The following MYO1E variants were observed in gnomAD, a reference collection of about 807,000 sequenced individuals.
MYO1E encodes myosin IE, also known as unconventional myosin-Ie.
Under a neutral mutation model 151.1 loss-of-function variants are expected in MYO1E, and 68 were observed. That is an observed-to-expected ratio of 0.45 (90% confidence interval 0.37 to 0.55). The LOEUF is 0.55. Among genes scored for constraint, MYO1E ranks in the 20% least tolerant of loss-of-function variants. The probability of loss-of-function intolerance (pLI) is 0.00; values close to 1 mark genes in which losing one functional copy is unlikely to be tolerated. For missense variants in MYO1E, 1,363 were observed against 1,389.3 expected, an observed-to-expected ratio of 0.98 and a Z score of 0.30; for synonymous variants, 601 against 501.7, an observed-to-expected ratio of 1.20 and a Z score of -2.64.
rs927339434 is a variant in MYO1E, at chr15:59,372,815, C to T, written c.-315G>A. 6.2e-6 allele frequency: 3 copies of T among 486,170 alleles called. No homozygotes were observed. The highest frequency in any genetic ancestry group is 4.1e-5 in the African/African-American group (2 of 49,280). The allele number at this position is 486,170 out of a possible 1,614,324, so 30.1% of individuals were successfully genotyped here. A position where few individuals can be genotyped will look rare whatever the true frequency, so the allele number is the denominator to read the frequency against. On this transcript the variant is annotated 5_prime_UTR_variant, in exon 1 of 28. Transcript: ENST00000288235. ...TGCGCTCGGAGCGTCCGCCTCGCTCCCCTGCCTCACTCCTCTTTCTTCGGC... is the reference window on the plus strand; with the variant it reads ...TGCGCTCGGAGCGTCCGCCTCGCTCTCCTGCCTCACTCCTCTTTCTTCGGC...
At chr15:59,330,860 C>T (rs932179542) in intron 1 of MYO1E, among the ~76,000 whole-genome samples, 4 of 152,130 alleles carry the variant, frequency 2.6e-5, no homozygotes, top group Non-Finnish European at 4.4e-5. Context: ...CTTTGACCTC[C>T]CAACCTCAGA....
chr15:59,365,678 T>C (rs1567026045), intron 1 of MYO1E, among the ~76,000 whole-genome samples: 1 of 152,236 alleles, frequency 6.6e-6, no homozygotes, highest in Non-Finnish European at 1.5e-5. Context: ...CTTTCTATAA[T>C]GTAACGTATG....
intron 1 of MYO1E, among the ~76,000 whole-genome samples, chr15:59,291,179 C>T (rs1002819581): frequency 2.0e-5 from 3 of 152,198 alleles, no homozygotes; most frequent in African/African-American, 7.2e-5. Context: ...TACTCTGTTC[C>T]CAAGTGCACA....
chr15:59,180,696 T>G lies in MYO1E; in HGVS notation c.1905-2159A>C, dbSNP rs528710050. ...CCTGATACATCCTCACCCCATCCTT[T>G]GGTATCGCACTGGAGACCAGGGCAT... On this transcript the variant is annotated intron_variant, in intron 18 of 27. Coordinates refer to ENST00000288235, the MANE Select transcript of MYO1E (RefSeq NM_004998.4). Among the ~76,000 whole-genome samples, 3 of 152,262 alleles carry G rather than the reference T, an allele frequency of 2.0e-5. No homozygotes were observed. In the East Asian group the frequency reaches 5.8e-4, roughly 29 times the overall value.
intron 1 of MYO1E, among the ~76,000 whole-genome samples, chr15:59,276,460 A>G (rs56034601): frequency 0.15 from 22,084 of 152,160 alleles, 2,256 homozygotes; most frequent in East Asian, 0.48. Flanking sequence ...TGAACGTAAT[A>G]ATAACAATAA....
Position 59,286,279 on chromosome 15 carries a change from A to G in MYO1E, c.4-13830T>C, listed in dbSNP as rs377481329. On this transcript the variant is annotated intron_variant, in intron 1 of 27. Transcript: ENST00000288235. ...ACGCATTATTTATAAGTCATGCAAA[A>G]TGCTGGAGGTATGCTGACATGAGTT... 4.3e-4 allele frequency among the ~76,000 whole-genome samples: 65 copies of G among 152,322 alleles called. 1 individual carries two copies. Among genetic ancestry groups the G allele is most frequent in the African/African-American group, 1.1e-3 (44 of 41,566 alleles).
At chr15:59,175,634 T>C (rs1479840788) in intron 19 of MYO1E, among the ~76,000 whole-genome samples, 2 of 152,236 alleles carry the variant, frequency 1.3e-5, no homozygotes, top group African/African-American at 4.8e-5. Context: ...ACAGAATGTT[T>C]AAAATCTGAG....
intron 5 of MYO1E, among the ~76,000 whole-genome samples, chr15:59,233,661 T>TAAAAAA (rs11285934): frequency 1.3e-5 from 1 of 78,384 alleles, no homozygotes; most frequent in Non-Finnish European, 2.3e-5. Flanking sequence ...AGACTCCGTC[T>TAAAAAA]AAAAAAAAAA....
chr15:59,141,512 G>C (rs550434837), intron 26 of MYO1E, among the ~76,000 whole-genome samples: 5 of 152,228 alleles, frequency 3.3e-5, no homozygotes, highest in South Asian at 4.1e-4. Flanking sequence ...AAAAAATATA[G>C]GACTGGCTAG....
intron 26 of MYO1E, among the ~76,000 whole-genome samples, chr15:59,151,893 C>A (rs2079482377): frequency 6.7e-6 from 1 of 150,324 alleles, no homozygotes; most frequent in Admixed American, 6.6e-5. Context: ...CAAAAATACA[C>A]ACACACACAC....
chr15:59,368,267 C>T (rs1356087359), intron 1 of MYO1E, among the ~76,000 whole-genome samples: 1 of 152,180 alleles, frequency 6.6e-6, no homozygotes, highest in African/African-American at 2.4e-5. Context: ...CACATATATT[C>T]CATATTTACT....
chr15:59,162,100 G>A lies in MYO1E; in HGVS notation c.2628-870C>T, dbSNP rs192860046. ...TGCCCAGGCTGGCGTGCAGTGGTGC[G>A]GTCTCAGCTCACTGCAACCTCTGCC... On this transcript the variant is annotated intron_variant, in intron 23 of 27. Coordinates refer to ENST00000288235, the MANE Select transcript of MYO1E (RefSeq NM_004998.4). 2.2e-3 allele frequency among the ~76,000 whole-genome samples: 334 copies of A among 152,194 alleles called. 1 individual carries two copies. Among genetic ancestry groups the A allele is most frequent in the African/African-American group, 7.6e-3 (316 of 41,528 alleles).
intron 1 of MYO1E, among the ~76,000 whole-genome samples, chr15:59,342,618 T>A (rs563466386): frequency 1.3e-5 from 2 of 152,330 alleles, no homozygotes; most frequent in South Asian, 4.1e-4. Flanking sequence ...CATTCAATGT[T>A]ATTACTGATA....
Position 59,247,795 on chromosome 15 carries a change from G to C in MYO1E, c.332+8489C>G, listed in dbSNP as rs80251269. On this transcript the variant is annotated intron_variant, in intron 4 of 27. Coordinates refer to ENST00000288235, the MANE Select transcript of MYO1E (RefSeq NM_004998.4). ...GCCACTGAACTAGTAAGGCAATTCA[G>C]GAATCAGAAATACTTATCCCTAGAA... Among the ~76,000 whole-genome samples, 255 of 152,278 alleles carry C rather than the reference G, an allele frequency of 1.7e-3. 1 individual carries two copies. Among genetic ancestry groups the C allele is most frequent in the African/African-American group, 5.7e-3 (236 of 41,560 alleles).
chr15:59,300,968 A>G (rs2080479383), intron 1 of MYO1E, among the ~76,000 whole-genome samples: 1 of 150,104 alleles, frequency 6.7e-6, no homozygotes, highest in Non-Finnish European at 1.5e-5. Context: ...CCCATGTTCA[A>G]GAGATTCTCC....
At chr15:59,142,530 GTTGTT>G (rs1481656645) in intron 26 of MYO1E, among the ~76,000 whole-genome samples, 1 of 152,156 alleles carries the variant, frequency 6.6e-6, no homozygotes, top group African/African-American at 2.4e-5. Context: ...TTCCTTGCCA[GTTGTT>G]TCCTTTCTAG....
intron 1 of MYO1E, among the ~76,000 whole-genome samples, chr15:59,368,747 A>G (rs938259721): frequency 8.6e-5 from 13 of 150,296 alleles, no homozygotes; most frequent in African/African-American, 2.9e-4. Flanking sequence ...CTCCAACTCA[A>G]AAAAAAAAAG....
intron 1 of MYO1E, among the ~76,000 whole-genome samples, chr15:59,365,811 T>C (rs1034791838): frequency 1.3e-5 from 2 of 152,222 alleles, no homozygotes; most frequent in African/African-American, 4.8e-5. Flanking sequence ...TGCTGGATAC[T>C]GCATATCTTT....
chr15:59,186,501 C>T (rs775774643), intron 18 of MYO1E, among the ~76,000 whole-genome samples: 8 of 151,958 alleles, frequency 5.3e-5, no homozygotes, highest in South Asian at 2.1e-4. Flanking sequence ...TGTGGTCGCT[C>T]GTGCTGATAA....
Sources: gnomAD v4.1 joint callset for allele counts (sites outside exome capture counted in the v4.1 genomes callset) on GRCh38, gnomAD v4.1.1 for gene constraint, MANE v1.5 for transcripts, NCBI Gene and HGNC (gene_info 2026-07-23, HGNC 2026-07-21) for gene names.